MUSK: variants seen among roughly 807,000 people sequenced by gnomAD.
The protein encoded by MUSK is muscle associated receptor tyrosine kinase.
MUSK carries 55 observed loss-of-function variants against 88.7 expected under a neutral mutation model. The observed-to-expected ratio is 0.62, with a 90% CI of 0.50 to 0.78. The LOEUF (loss-of-function observed/expected upper bound fraction) is 0.78. Among genes scored for constraint, MUSK ranks in the 30% least tolerant of loss-of-function variants. MUSK has a pLI of 0.00. For missense variants in MUSK, 1,015 were observed against 1,074.3 expected, an observed-to-expected ratio of 0.94 and a Z score of 0.77; for synonymous variants, 387 against 391.9, an observed-to-expected ratio of 0.99 and a Z score of 0.15.
intron 2 of MUSK, among the ~76,000 whole-genome samples, chr9:110,685,070 C>T (rs1278326536): frequency 6.6e-6 from 1 of 152,032 alleles, no homozygotes; most frequent in African/African-American, 2.4e-5. Context: ...TTCAGTTTTT[C>T]CCCATTCAGT....
At chr9:110,758,888 A>G (rs1564271491) in intron 7 of MUSK, among the ~76,000 whole-genome samples, 1 of 152,246 alleles carries the variant, frequency 6.6e-6, no homozygotes, top group African/African-American at 2.4e-5. Flanking sequence ...GAATTACAAA[A>G]CACTGCTCAA....
At chr9:110,724,504 AAC>A (rs1471702298) in intron 5 of MUSK, among the ~76,000 whole-genome samples, 6 of 152,030 alleles carry the variant, frequency 3.9e-5, no homozygotes, top group Non-Finnish European at 7.4e-5. Context: ...TCAAAAGCAT[AAC>A]ACATGTTCTG....
intron 7 of MUSK, among the ~76,000 whole-genome samples, chr9:110,761,593 T>TG (rs1491437157): frequency 8.9e-5 from 12 of 135,168 alleles, no homozygotes; most frequent in South Asian, 5.6e-4. Context: ...TTTTTTTTTT[T>TG]GAGACGGAGT....
At chr9:110,695,566 T>C (rs750161183) in intron 4 of MUSK, 36 bp downstream of exon 4, 39 of 1,475,602 alleles carry the variant, frequency 2.6e-5, no homozygotes, top group Non-Finnish European at 3.6e-5. Context: ...ATATATAAAA[T>C]GTATTTTAAA....
Position 110,723,234 on chromosome 9 carries a change from TAC to T in MUSK, c.629-10989_629-10988del, listed in dbSNP as rs143582345. 1.6e-3 allele frequency among the ~76,000 whole-genome samples: 231 copies of T among 146,746 alleles called. 1 individual carries two copies. The highest frequency in any genetic ancestry group is 3.8e-3 in the African/African-American group (152 of 39,734). ...ACCATGGAATACTACTACATATACA[TAC>T]ACACACACACACACACACACACACA... On this transcript the variant is annotated intron_variant, in intron 5 of 14. Transcript: ENST00000374448.
intron 5 of MUSK, among the ~76,000 whole-genome samples, chr9:110,703,991 C>T (rs1031784648): frequency 6.6e-6 from 1 of 152,104 alleles, no homozygotes; most frequent in African/African-American, 2.4e-5. Context: ...ATATTGAAGA[C>T]AGATTATTTA....
At chr9:110,689,758 A>ATT (rs2076281152) in intron 3 of MUSK, among the ~76,000 whole-genome samples, 1 of 42,194 alleles carries the variant, frequency 2.4e-5, no homozygotes, top group Admixed American at 3.3e-4. Context: ...TATTATATAT[A>ATT]AACTATATAT....
chr9:110,766,763 C>G (rs941692493), intron 8 of MUSK, among the ~76,000 whole-genome samples: 2 of 152,066 alleles, frequency 1.3e-5, no homozygotes, highest in Non-Finnish European at 2.9e-5. Flanking sequence ...GATAGTTGTA[C>G]AAATCTAAAT....
intron 9 of MUSK, among the ~76,000 whole-genome samples, chr9:110,770,354 AAAT>A (rs935553377): frequency 2.7e-5 from 4 of 146,546 alleles, no homozygotes; most frequent in African/African-American, 7.4e-5. Flanking sequence ...TATTAATAAT[AAAT>A]AATACTTAAT....
At chr9:110,698,442 CTTGAAGAG>C (rs2131723234) in intron 5 of MUSK, among the ~76,000 whole-genome samples, 1 of 152,298 alleles carries the variant, frequency 6.6e-6, no homozygotes, top group Non-Finnish European at 1.5e-5. Flanking sequence ...CAGGAAAAGA[CTTGAAGAG>C]TTCTCCATAT....
rs771963218 is a variant in MUSK, at chr9:110,775,878, G to A, written c.1275G>A (p.Glu425=). Residue 425 remains glutamate, a synonymous_variant, in exon 10 of 15, where the codon GAG becomes GAA. Coordinates refer to ENST00000374448, the MANE Select transcript of MUSK (RefSeq NM_005592.4). ...CCCACAGAGGACTCTACAGATCCGA[G>A]ATGCATTTGCTGTCCGTGCCAGAAT... ...EKTHRGLYRS[E]MHLLSVPECS... 2.5e-6 allele frequency: 4 copies of A among 1,613,958 alleles called. No individual in the cohort carries two copies. Among genetic ancestry groups the A allele is most frequent in the Non-Finnish European group, 2.5e-6 (3 of 1,179,856 alleles).
At chr9:110,736,791 G>C (rs1231969917) in intron 6 of MUSK, among the ~76,000 whole-genome samples, 1 of 151,920 alleles carries the variant, frequency 6.6e-6, no homozygotes, top group Non-Finnish European at 1.5e-5. Context: ...AGAGAATTTT[G>C]CTTGTTTCTG....
chr9:110,771,161 C>CTTTTTTTT (rs34185224), intron 9 of MUSK, among the ~76,000 whole-genome samples: 41 of 96,426 alleles, frequency 4.3e-4, no homozygotes, highest in Admixed American at 7.0e-4. Flanking sequence ...TCATTTCCTT[C>CTTTTTTTT]TTTTTTTTTT....
Position 110,701,478 on chromosome 9 carries a change from G to A in MUSK, c.628+4012G>A, listed in dbSNP as rs750561682. On this transcript the variant is annotated intron_variant, in intron 5 of 14. Coordinates refer to ENST00000374448, the MANE Select transcript of MUSK (RefSeq NM_005592.4). ...TCTTTCTTTTCTTTTCTTTCTTTCC[G>A]TCTTTCTTGTTTGTTTGTTTTGTTT... Among the ~76,000 whole-genome samples, 6 of 151,506 alleles carry A rather than the reference G, an allele frequency of 4.0e-5. No homozygotes were observed. The East Asian group carries it at 9.7e-4, about 24-fold the overall frequency.
At chr9:110,723,072 C>A (rs1236554979) in intron 5 of MUSK, among the ~76,000 whole-genome samples, 1 of 152,036 alleles carries the variant, frequency 6.6e-6, no homozygotes, top group African/African-American at 2.4e-5. Context: ...AAAAAAGATA[C>A]CTGCACATGC....
intron 11 of MUSK, among the ~76,000 whole-genome samples, chr9:110,782,196 T>G (rs533013215): frequency 6.6e-6 from 1 of 152,272 alleles, no homozygotes; most frequent in African/African-American, 2.4e-5. Flanking sequence ...ACTCCCGTAG[T>G]GTTCAGAGGA....
intron 7 of MUSK, among the ~76,000 whole-genome samples, chr9:110,760,201 C>T (rs1031960626): frequency 6.6e-6 from 1 of 152,090 alleles, no homozygotes. Flanking sequence ...CCAGCAATTC[C>T]GCTACTGAGT....
chr9:110,739,281 C>CTAGA (rs1313262029), intron 6 of MUSK, among the ~76,000 whole-genome samples: 1 of 152,156 alleles, frequency 6.6e-6, no homozygotes, highest in Non-Finnish European at 1.5e-5. Flanking sequence ...AAAGAGGCAT[C>CTAGA]AGTTTTCCTC....
chr9:110,695,613 C>A, intron 4 of MUSK, 83 bp downstream of exon 4: 1 of 1,148,832 alleles, frequency 8.7e-7, no homozygotes, highest in Non-Finnish European at 1.2e-6. Context: ...TACACACTTA[C>A]AAACTTCTAG....
Sources: gnomAD v4.1 joint callset for allele counts (sites outside exome capture counted in the v4.1 genomes callset) on GRCh38, gnomAD v4.1.1 for gene constraint, MANE v1.5 for transcripts, NCBI Gene and HGNC (gene_info 2026-07-23, HGNC 2026-07-21) for gene names.